PRMT5: variants seen among roughly 807,000 people sequenced by gnomAD.
PRMT5 encodes protein arginine N-methyltransferase 5.
Under a neutral mutation model 84.0 loss-of-function variants are expected in PRMT5, and 15 were observed. That is an observed-to-expected ratio of 0.18 (90% CI 0.12 to 0.28). The LOEUF (loss-of-function observed/expected upper bound fraction) is 0.28, where lower values mean the gene tolerates loss of function less well. Among genes scored for constraint, PRMT5 ranks in the 10% least tolerant of loss-of-function variants. PRMT5 has a pLI of 1.00. For synonymous variants in PRMT5, 276 were observed against 292.4 expected, an observed-to-expected ratio of 0.94 and a Z score of 0.57; for missense variants, 486 against 808.0, an observed-to-expected ratio of 0.60 and a Z score of 4.83.
chr14:22,927,121 T>TGTCA (rs909442123), intron 4 of PRMT5, among the ~76,000 whole-genome samples: 4 of 150,122 alleles, frequency 2.7e-5, no homozygotes, highest in African/African-American at 9.8e-5. Flanking sequence ...GGTCTGGCTC[T>TGTCA]GTCACCCAGG....
chr14:22,921,577 T>C (rs1441200382), intron 16 of PRMT5, among the ~76,000 whole-genome samples: 1 of 152,050 alleles, frequency 6.6e-6, no homozygotes, highest in African/African-American at 2.4e-5. Flanking sequence ...TTGAAGAGTT[T>C]TAAGCAAAAA....
rs761318763 is a variant in PRMT5, at chr14:22,922,197, A to C, written c.1740T>G (p.Phe580Leu). The C allele has an allele frequency of 6.3e-7, 1 of 1,593,574 alleles. No homozygotes were observed. The change falls in exon 16 of 17, where the codon TTT becomes TTG. Residue 580 changes from phenylalanine to leucine, a missense_variant. Physicochemically the swap from Phe to Leu is conservative, Grantham distance 22. Around this residue, in one of 4 missense-constraint regions of PRMT5, gnomAD observed 219 missense variants for 433.6 expected, o/e 0.51. Coordinates refer to ENST00000324366, the MANE Select transcript of PRMT5 (RefSeq NM_006109.5). ...ETHSPGMFSW[F>L]PILFPIKQPI... ...CTACCTTAATAGGGAAGAGGATGGG[A>C]AACCATGAGAACATCCCAGGAGAGT...
At chr14:22,925,835 A>G (rs1252181576) in intron 7 of PRMT5, among the ~76,000 whole-genome samples, 1 of 152,022 alleles carries the variant, frequency 6.6e-6, no homozygotes, top group Non-Finnish European at 1.5e-5. Flanking sequence ...AAAAAAGAAA[A>G]AAGAAAAAGC....
rs1047770239 is a variant in PRMT5, at chr14:22,923,193, G to A, written c.1376-33C>T. On this transcript the variant is annotated intron_variant, in intron 12 of 16. Transcript: ENST00000324366. The surrounding 1 kb of genome is among the most constrained non-coding windows in gnomAD (Gnocchi z 5.2). ...GCAGGAGAGTCAAATTAGTTCCAGA[G>A]GGAGGGAAATGGTATGTCTGTACTA... The A allele has an allele frequency of 6.0e-6, 9 of 1,508,806 alleles. No individual in the cohort carries two copies. Among genetic ancestry groups the A allele is most frequent in the Non-Finnish European group, 8.2e-6 (9 of 1,099,390 alleles). The allele number at this position is 1,508,806 out of a possible 1,614,324, so 93.5% of individuals were successfully genotyped here.
At chr14:22,921,700 C>A (rs888405867) in intron 16 of PRMT5, among the ~76,000 whole-genome samples, 3 of 151,870 alleles carry the variant, frequency 2.0e-5, no homozygotes, top group Non-Finnish European at 4.4e-5. Flanking sequence ...CTGGCTAACA[C>A]GGTAAAACCC....
intron 13 of PRMT5, 78 bp from the exon 14 acceptor site, chr14:22,922,913 G>A (rs1366987541): frequency 2.0e-6 from 3 of 1,483,618 alleles, no homozygotes; most frequent in Middle Eastern, 1.8e-4. Context: ...ATTAAAAAAA[G>A]TTTTACTTTA....
Position 22,926,220 on chromosome 14 carries a change from A to G in PRMT5, c.690T>C (p.Ile230=). ...TGGTCAGGAAAATGCTAGTGGGGAG[A>G]ATGGCTGCTTTGATGGGCTCCCCAA... ...RWLGEPIKAA[I]LPTSIFLTNK... Residue 230 remains isoleucine, a synonymous_variant, in exon 7 of 17, where the codon ATT becomes ATC. Transcript: ENST00000324366. 1.2e-6 allele frequency: 2 copies of G among 1,613,632 alleles called. No individual in the cohort carries two copies. Among genetic ancestry groups the G allele is most frequent in the South Asian group, 2.2e-5 (2 of 91,062 alleles).
chr14:22,924,822 A>G lies in PRMT5; in HGVS notation c.939+57T>C. 6.3e-7 allele frequency: 1 copy of G among 1,599,144 alleles called. No homozygotes were observed. The highest frequency in any genetic ancestry group is 8.5e-7 in the Non-Finnish European group (1 of 1,170,638). ...GTTTTAGTAAGATTTGGAGGCATAT[A>G]TTCTCAAGAAACATTTTCCATCCCA... On this transcript the variant is annotated intron_variant, in intron 8 of 16. Coordinates refer to ENST00000324366, the MANE Select transcript of PRMT5 (RefSeq NM_006109.5). This position sits in a 1 kb window ranked among gnomAD's most constrained non-coding sequence, Gnocchi z 6.5.
rs768913920 is a variant in PRMT5, at chr14:22,929,145, T to A, written c.110+107A>T. Reference sequence around the variant, plus strand: ...CAAAGAGTAATAGTCTCTCCCCTCCTCATCCTAGCCGACCCCCTCACCCCT... The same window carrying A: ...CAAAGAGTAATAGTCTCTCCCCTCCACATCCTAGCCGACCCCCTCACCCCT... On this transcript the variant is annotated intron_variant, in intron 1 of 16. Coordinates refer to ENST00000324366, the MANE Select transcript of PRMT5 (RefSeq NM_006109.5). 1.9e-6 allele frequency: 3 copies of A among 1,613,738 alleles called. No homozygotes were observed. The South Asian group carries it at 3.3e-5, about 18-fold the overall frequency.
At chr14:22,921,884 TA>T (rs34529278) in intron 16 of PRMT5, among the ~76,000 whole-genome samples, 94 of 120,020 alleles carry the variant, frequency 7.8e-4, no homozygotes, top group Admixed American at 9.1e-4. Flanking sequence ...TCCGTCTCTT[TA>T]AAAAAAAAAA....
intron 15 of PRMT5, 46 bp downstream of exon 15, chr14:22,922,397 G>A (rs775940698): frequency 6.6e-7 from 1 of 1,516,032 alleles, no homozygotes; most frequent in African/African-American, 1.4e-5. Flanking sequence ...AAGCTGCCCA[G>A]GAAGCACACC....
chr14:22,927,858 A>G (rs1019404057), intron 3 of PRMT5, among the ~76,000 whole-genome samples, 198 bp from the exon 4 acceptor site: 1 of 151,848 alleles, frequency 6.6e-6, no homozygotes, highest in South Asian at 2.1e-4. Context: ...ACAGGCATGC[A>G]CCACCATGCC....
intron 6 of PRMT5, 49 bp from the exon 7 acceptor site, chr14:22,926,345 C>A: frequency 6.2e-7 from 1 of 1,605,470 alleles, no homozygotes. Flanking sequence ...GCAAGAAACC[C>A]TTCCTTGCTC....
At chr14:22,926,456 C>A (rs1204415330) in intron 6 of PRMT5, 50 bp downstream of exon 6, 1 of 1,604,324 alleles carries the variant, frequency 6.2e-7, no homozygotes, top group Non-Finnish European at 8.5e-7. Context: ...GATTCTTATT[C>A]ACAGGAGGTA....
intron 13 of PRMT5, 81 bp downstream of exon 13, chr14:22,922,970 A>T (rs1239328166): frequency 7.1e-7 from 1 of 1,408,442 alleles, no homozygotes; most frequent in East Asian, 2.4e-5. Flanking sequence ...CATCCCCAGC[A>T]GAAGAAAATA....
Position 22,926,311 on chromosome 14 carries a change from A to C in PRMT5, c.614-15T>G. ...AATTTCAAGAGCTACATGAGGCAAA[A>C]GAAAAACTGTCAACCACTGCCAGGC... On this transcript the variant is annotated splice_polypyrimidine_tract_variant and intron_variant, in intron 6 of 16. Coordinates refer to ENST00000324366, the MANE Select transcript of PRMT5 (RefSeq NM_006109.5). The C allele has an allele frequency of 6.2e-7, 1 of 1,611,992 alleles. No individual in the cohort carries two copies. The highest frequency in any genetic ancestry group is 1.3e-5 in the African/African-American group (1 of 74,866).
chr14:22,927,018 ATTACAT>A, intron 4 of PRMT5: 1 of 573,998 alleles, frequency 1.7e-6, no homozygotes, highest in Non-Finnish European at 3.1e-6. Context: ...TTCCAAAATA[ATTACAT>A]TTACATGTTT....
intron 4 of PRMT5, chr14:22,927,031 G>A: frequency 2.0e-6 from 1 of 494,100 alleles, no homozygotes; most frequent in Non-Finnish European, 3.6e-6. Context: ...ACATTTACAT[G>A]TTTTGAAACT....
Position 22,926,294 on chromosome 14 carries a change from G to C in PRMT5, c.616C>G (p.Leu206Val). Residue 206 changes from leucine (L) to valine (V), a missense_variant and splice_region_variant, in exon 7 of 17, where the codon CTT (leucine) becomes GTT (valine). Leu to Val is a conservative substitution (Grantham distance 32, BLOSUM62 1). Coordinates refer to ENST00000324366, the MANE Select transcript of PRMT5 (RefSeq NM_006109.5). ...CDYSKRIAVA[L>V]EIGADLPSNH... ...GATGGGAGGTCAGCCCCAATTTCAAGAGCTACATGAGGCAAAAGAAAAACT... is the reference window on the plus strand; with the variant it reads ...GATGGGAGGTCAGCCCCAATTTCAACAGCTACATGAGGCAAAAGAAAAACT... The C allele has an allele frequency of 6.2e-7, 1 of 1,613,424 alleles. No individual in the cohort carries two copies. Among genetic ancestry groups the C allele is most frequent in the Non-Finnish European group, 8.5e-7 (1 of 1,179,724 alleles).
Sources: allele counts gnomAD v4.1 joint callset (sites outside exome capture counted in the v4.1 genomes callset), GRCh38; gene constraint gnomAD v4.1.1; regional missense constraint gnomAD v4.1.1; non-coding constraint Gnocchi (gnomAD v3.1); transcripts MANE v1.5; gene names NCBI Gene and HGNC (gene_info 2026-07-23, HGNC 2026-07-21).